Variants in LARP1B observed in about 807,000 individuals in gnomAD.
LARP1B encodes the protein La ribonucleoprotein 1B.
In LARP1B, 76 loss-of-function variants were observed where a neutral mutation model predicts 114.2. The observed-to-expected ratio is 0.67, with a 90% CI of 0.55 to 0.81. The LOEUF (loss-of-function observed/expected upper bound fraction) is 0.81, where lower values mean the gene tolerates loss of function less well. Ranked by LOEUF, LARP1B falls within the 30% of genes least tolerant of loss-of-function variation. The pLI is 0.00. For missense variants in LARP1B, 1,014 were observed against 1,075.8 expected (o/e 0.94, Z 0.80); for synonymous variants, 345 against 348.0 (o/e 0.99, Z 0.10).
intron 5 of LARP1B, among the ~76,000 whole-genome samples, chr4:128,083,306 T>C (rs1771404309): frequency 1.3e-5 from 2 of 152,168 alleles, no homozygotes; most frequent in Admixed American, 1.3e-4. Flanking sequence ...ATTGTCATCC[T>C]GGCCCGTTCT....
At chr4:128,222,291 T>C in intron 7 of LARP1B, 1 of 456,190 alleles carries the variant, frequency 2.2e-6, no homozygotes, top group South Asian at 1.6e-5. Context: ...AAATCACACC[T>C]TCAGTTTTAG....
intron 11 of LARP1B, among the ~76,000 whole-genome samples, chr4:128,157,358 G>A (rs999375612): frequency 1.5e-4 from 23 of 151,942 alleles, no homozygotes; most frequent in African/African-American, 5.3e-4. Context: ...TACAGAAAAG[G>A]GTGTAAGAGA....
chr4:128,094,043 T>C (rs1387322386), intron 7 of LARP1B, among the ~76,000 whole-genome samples: 2 of 151,856 alleles, frequency 1.3e-5, no homozygotes, highest in East Asian at 3.9e-4. Context: ...AAAAACTTTT[T>C]ATTGCAGTCT....
intron 12 of LARP1B, among the ~76,000 whole-genome samples, chr4:128,170,929 G>T (rs1411743381): frequency 1.6e-5 from 1 of 62,816 alleles, no homozygotes; most frequent in South Asian, 4.6e-4. Context: ...TGTGTTGTTT[G>T]TAACTTTTTC....
At chr4:128,065,324 TC>T (rs1288836233) in intron 1 of LARP1B, among the ~76,000 whole-genome samples, 2,873 of 133,926 alleles carry the variant, frequency 0.021, 127 homozygotes, top group Non-Finnish European at 0.031. Flanking sequence ...TTTCTCTCTC[TC>T]TCTCTCTTTC....
At chr4:128,181,175 C>T (rs1182152804) in intron 15 of LARP1B, among the ~76,000 whole-genome samples, 2 of 138,038 alleles carry the variant, frequency 1.4e-5, no homozygotes, top group African/African-American at 5.1e-5. Flanking sequence ...TTTTTCTCAT[C>T]CATTCTTTTT....
chr4:128,098,960 T>G (rs2149695294), intron 8 of LARP1B, among the ~76,000 whole-genome samples: 1 of 150,438 alleles, frequency 6.6e-6, no homozygotes, highest in Non-Finnish European at 1.5e-5. Context: ...GTATTTTTAT[T>G]AGAGACTTGG....
At chr4:128,126,812 GT>G (rs869127581) in intron 11 of LARP1B, among the ~76,000 whole-genome samples, 23 of 32,328 alleles carry the variant, frequency 7.1e-4, no homozygotes, top group Admixed American at 2.0e-3. Context: ...ATTTGTTTTT[GT>G]TTTTTTTTTA....
At chr4:128,093,817 TCTC>T (rs1047574375) in intron 7 of LARP1B, among the ~76,000 whole-genome samples, 25 of 150,410 alleles carry the variant, frequency 1.7e-4, no homozygotes, top group Middle Eastern at 3.4e-3. Context: ...TTCAAGCAAT[TCTC>T]CTGCCTCAGC....
intron 12 of LARP1B, among the ~76,000 whole-genome samples, chr4:128,173,940 C>A (rs530076916): frequency 6.6e-6 from 1 of 152,232 alleles, no homozygotes; most frequent in East Asian, 1.9e-4. Context: ...CCCCTTCAGC[C>A]TGAGGCAACT....
chr4:128,197,372 A>G (rs987907185), intron 15 of LARP1B, among the ~76,000 whole-genome samples: 5 of 152,202 alleles, frequency 3.3e-5, no homozygotes, highest in Non-Finnish European at 7.3e-5. Context: ...TCATTGGAAA[A>G]AACAGTTGTT....
intron 11 of LARP1B, among the ~76,000 whole-genome samples, chr4:128,143,642 T>G (rs1729029528): frequency 6.6e-6 from 1 of 152,072 alleles, no homozygotes. Context: ...GATATCTCAG[T>G]GGAACAGTGG....
chr4:128,199,139 A>G (rs549895868), intron 15 of LARP1B, among the ~76,000 whole-genome samples: 64 of 152,364 alleles, frequency 4.2e-4, no homozygotes, highest in Non-Finnish European at 5.9e-5. Flanking sequence ...AAACTAATCT[A>G]AATGAAATTA....
chr4:128,090,463 TC>T (rs1283316216), intron 5 of LARP1B, among the ~76,000 whole-genome samples: 9 of 152,214 alleles, frequency 5.9e-5, no homozygotes, highest in African/African-American at 2.2e-4. Flanking sequence ...TAGATATTTT[TC>T]CCATTGAGTG....
At chr4:128,166,111 TATC>T (rs1219021472) in intron 12 of LARP1B, among the ~76,000 whole-genome samples, 1 of 152,028 alleles carries the variant, frequency 6.6e-6, no homozygotes, top group Non-Finnish European at 1.5e-5. Context: ...GCATGTTAAA[TATC>T]ATATGTCCAA....
At chr4:128,137,786 TATA>T (rs1199088220) in intron 11 of LARP1B, among the ~76,000 whole-genome samples, 68 of 78,546 alleles carry the variant, frequency 8.7e-4, no homozygotes, top group Middle Eastern at 0.01. Context: ...TATATATATA[TATA>T]TATTTTTTTT....
intron 1 of LARP1B, among the ~76,000 whole-genome samples, chr4:128,065,253 A>ATTTATTTATTTC (rs869130974): frequency 1.1e-5 from 1 of 89,544 alleles, no homozygotes; most frequent in Admixed American, 1.2e-4. Context: ...CCCACAATTA[A>ATTTATTTATTTC]TTTCTTTCTT....
chr4:128,160,796 T>C (rs1266214785), intron 11 of LARP1B, among the ~76,000 whole-genome samples: 1 of 152,216 alleles, frequency 6.6e-6, no homozygotes, highest in Non-Finnish European at 1.5e-5. Flanking sequence ...ATATACATTT[T>C]GATGTAATTA....
At chr4:128,107,568 G>T (rs1240975226) in intron 9 of LARP1B, 7 of 1,367,028 alleles carry the variant, frequency 5.1e-6, no homozygotes, top group Non-Finnish European at 4.8e-6. Flanking sequence ...CATGTATGGA[G>T]TTTCTATCTT....
Sources: allele counts gnomAD v4.1 joint callset (sites outside exome capture counted in the v4.1 genomes callset), GRCh38; gene constraint gnomAD v4.1.1; transcripts MANE v1.5; gene names NCBI Gene and HGNC (gene_info 2026-07-23, HGNC 2026-07-21).